Variants in CFAP54 observed in about 807,000 individuals in gnomAD.
CFAP54 encodes the protein cilia and flagella associated protein 54.
CFAP54 carries 290 observed loss-of-function variants against 370.4 expected under a neutral mutation model. That is an observed-to-expected ratio of 0.78 (90% CI 0.71 to 0.86). CFAP54 has a LOEUF of 0.86. Among genes scored for constraint, CFAP54 ranks in the 40% least tolerant of loss-of-function variants. The probability of loss-of-function intolerance (pLI) is 0.00; values close to 1 mark genes in which losing one functional copy is unlikely to be tolerated. For synonymous variants in CFAP54, 1,206 were observed against 1,236.5 expected, an observed-to-expected ratio of 0.98 and a Z score of 0.52; for missense variants, 3,399 against 3,528.7, an observed-to-expected ratio of 0.96 and a Z score of 0.93.
intron 9 of CFAP54, among the ~76,000 whole-genome samples, chr12:96,527,986 A>C (rs1955402299): frequency 6.6e-6 from 1 of 152,076 alleles, no homozygotes; most frequent in Non-Finnish European, 1.5e-5. Context: ...TCTATGAATG[A>C]CTTATTTCTG....
chr12:96,675,755 G>A (rs1030712890), intron 39 of CFAP54, among the ~76,000 whole-genome samples: 2 of 152,078 alleles, frequency 1.3e-5, no homozygotes, highest in African/African-American at 4.8e-5. Context: ...ATACTATGCA[G>A]CCATAAAAAA....
intron 9 of CFAP54, 38 bp downstream of exon 9, chr12:96,527,482 G>C: frequency 7.2e-7 from 1 of 1,390,718 alleles, no homozygotes; most frequent in South Asian, 1.6e-5. Flanking sequence ...ATGATAGAAT[G>C]ATACACATGA....
intron 50 of CFAP54, among the ~76,000 whole-genome samples, chr12:96,729,956 C>A (rs1164900335): frequency 1.3e-5 from 2 of 152,144 alleles, no homozygotes; most frequent in African/African-American, 4.8e-5. Context: ...ATGAAAAAGA[C>A]CCAGTACAGA....
chr12:96,512,234 G>A (rs566176986), intron 4 of CFAP54, among the ~76,000 whole-genome samples: 169 of 145,352 alleles, frequency 1.2e-3, no homozygotes, highest in Non-Finnish European at 1.9e-3. Flanking sequence ...GATTAAATAT[G>A]TATTCTGATC....
At chr12:96,758,970 A>G (rs1958300835) in intron 58 of CFAP54, among the ~76,000 whole-genome samples, 1 of 152,170 alleles carries the variant, frequency 6.6e-6, no homozygotes. Context: ...GAGGTATATG[A>G]ACCCAGTAAT....
intron 19 of CFAP54, among the ~76,000 whole-genome samples, chr12:96,567,219 C>T (rs1955872399): frequency 1.3e-5 from 2 of 152,180 alleles, no homozygotes; most frequent in African/African-American, 4.8e-5. Flanking sequence ...TGTAGTTCTA[C>T]AGGTCATTCT....
At chr12:96,794,927 G>A (rs1020815678) in intron 63 of CFAP54, among the ~76,000 whole-genome samples, 1 of 152,296 alleles carries the variant, frequency 6.6e-6, no homozygotes, top group Middle Eastern at 3.4e-3. Flanking sequence ...TGTCCCATGG[G>A]GTGCTCCGTT....
chr12:96,843,260 G>A (rs1476926572), intron 66 of CFAP54, among the ~76,000 whole-genome samples: 1 of 152,218 alleles, frequency 6.6e-6, no homozygotes, highest in Non-Finnish European at 1.5e-5. Context: ...GCCAAGTATT[G>A]TTAGGAGTCT....
chr12:96,684,948 G>T, intron 41 of CFAP54, 81 bp from the exon 42 acceptor site: 3 of 1,356,560 alleles, frequency 2.2e-6, no homozygotes, highest in Non-Finnish European at 3.1e-6. Context: ...TTGCTTCGGT[G>T]TATTTGCTTT....
At chr12:96,856,986 A>G (rs1959721834) in intron 66 of CFAP54, among the ~76,000 whole-genome samples, 1 of 152,198 alleles carries the variant, frequency 6.6e-6, no homozygotes, top group South Asian at 2.1e-4. Flanking sequence ...GCCTCAGGAA[A>G]CTTACAATCA....
chr12:96,721,093 A>G (rs573731544), intron 50 of CFAP54, among the ~76,000 whole-genome samples: 3 of 152,232 alleles, frequency 2.0e-5, no homozygotes, highest in African/African-American at 4.8e-5. Flanking sequence ...GTTTAATTTC[A>G]TATATAGAAT....
intron 1 of CFAP54, among the ~76,000 whole-genome samples, chr12:96,492,984 G>A (rs1319766261): frequency 3.5e-5 from 5 of 144,320 alleles, no homozygotes; most frequent in African/African-American, 1.3e-4. Context: ...GACAGAATGA[G>A]ACTCTGTCTC....
At position 96,708,794 on chromosome 12, in the gene CFAP54, A is replaced by G. The variant is rs1230757444; in HGVS notation, c.6715A>G (p.Asn2239Asp). 1.9e-6 allele frequency: 3 copies of G among 1,591,472 alleles called. No homozygotes were observed. Among genetic ancestry groups the G allele is most frequent in the Non-Finnish European group, 2.6e-6 (3 of 1,169,550 alleles). ...CAACAAGAGCAAACCAAACCTACCAAACTTGGAAGGTAATTGTTTTATTTT... is the reference window on the plus strand; with the variant it reads ...CAACAAGAGCAAACCAAACCTACCAGACTTGGAAGGTAATTGTTTTATTTT... ...ITNKSKPNLP[N>D]LEEIYSKDDG... The change falls in exon 48 of 68, where the codon AAC becomes GAC. Residue 2239 changes from asparagine to aspartate, a missense_variant. By Grantham distance (23) the Asn-to-Asp change is conservative. Around this residue, in one of 3 missense-constraint regions of CFAP54, gnomAD observed 2,796 missense variants for 2,869.7 expected, o/e 0.97. Transcript: ENST00000524981.
chr12:96,781,787 C>T (rs1195408139), intron 60 of CFAP54, among the ~76,000 whole-genome samples: 1 of 151,998 alleles, frequency 6.6e-6, no homozygotes, highest in Admixed American at 6.6e-5. Context: ...GCTAATATTT[C>T]ATGTCACAGA....
chr12:96,825,160 A>G (rs912266129), intron 65 of CFAP54, among the ~76,000 whole-genome samples: 1 of 146,304 alleles, frequency 6.8e-6, no homozygotes, highest in African/African-American at 2.5e-5. Flanking sequence ...TTCTACTACT[A>G]AGAATTATTC....
intron 66 of CFAP54, among the ~76,000 whole-genome samples, chr12:96,838,533 T>A (rs770962401): frequency 6.6e-6 from 1 of 151,884 alleles, no homozygotes; most frequent in East Asian, 1.9e-4. Flanking sequence ...ATGTCTTACA[T>A]GTGGCAGGAG....
chr12:96,623,089 G>A (rs1335276858), intron 27 of CFAP54, among the ~76,000 whole-genome samples: 116 of 152,050 alleles, frequency 7.6e-4, no homozygotes, highest in Non-Finnish European at 8.8e-5. Flanking sequence ...TCCAGCAGAA[G>A]GTTGTGATTC....
At chr12:96,667,082 A>G (rs1026833513) in intron 39 of CFAP54, among the ~76,000 whole-genome samples, 3 of 152,214 alleles carry the variant, frequency 2.0e-5, no homozygotes. Context: ...CCTTGACTCC[A>G]TGTCTTACAT....
intron 66 of CFAP54, among the ~76,000 whole-genome samples, chr12:96,836,283 GA>G (rs1302237673): frequency 3.0e-4 from 45 of 152,306 alleles, no homozygotes; most frequent in African/African-American, 1.0e-3. Context: ...CATAGTCATT[GA>G]GTGTGATGGG....
Sources: allele counts gnomAD v4.1 joint callset (sites outside exome capture counted in the v4.1 genomes callset), GRCh38; gene constraint gnomAD v4.1.1; regional missense constraint gnomAD v4.1.1; transcripts MANE v1.5; gene names NCBI Gene and HGNC (gene_info 2026-07-23, HGNC 2026-07-21).